IREB2: variants seen among roughly 807,000 people sequenced by gnomAD.
The protein encoded by IREB2 is iron responsive element binding protein 2.
In IREB2, 39 loss-of-function variants were observed where a neutral mutation model predicts 118.8. That is an observed-to-expected ratio of 0.33 (90% CI 0.25 to 0.43). The LOEUF (loss-of-function observed/expected upper bound fraction) is 0.43. Ranked by LOEUF, IREB2 falls within the 20% of genes least tolerant of loss-of-function variation. The probability of loss-of-function intolerance (pLI) is 1.00; values close to 1 mark genes in which losing one functional copy is unlikely to be tolerated. For synonymous variants in IREB2, 372 were observed against 392.2 expected (o/e 0.95, Z 0.61); for missense variants, 900 against 1,147.3 (o/e 0.78, Z 3.11).
chr15:78,479,401 T>TC (rs2051528035), intron 10 of IREB2, among the ~76,000 whole-genome samples: 1 of 146,572 alleles, frequency 6.8e-6, no homozygotes, highest in Non-Finnish European at 1.5e-5. Flanking sequence ...GTTTTTGGAT[T>TC]TTTTTTTTTT....
At position 78,478,303 on chromosome 15, in the gene IREB2, G is replaced by C. The variant is rs1457970424; in HGVS notation, c.1202G>C (p.Ser401Thr). Reference protein sequence around the residue: ...TLKHLEHTGFSKAKLESMETY... With the variant: ...TLKHLEHTGFTKAKLESMETY... ...TTGTTCATCTTCGTTTTAGGTTTTA[G>C]CAAAGCCAAACTCGAATCAATGGAA... is the stretch of plus-strand genomic sequence containing the variant. The change falls in exon 10 of 22, where the codon AGC becomes ACC. Residue 401 changes from serine to threonine, a missense_variant. By Grantham distance (58) the Ser-to-Thr change is moderately conservative. Transcript: ENST00000258886. The C allele has an allele frequency of 6.2e-7, 1 of 1,607,592 alleles. No homozygotes were observed. The highest frequency in any genetic ancestry group is 1.3e-5 in the African/African-American group (1 of 74,836).
chr15:78,488,181 G>T lies in IREB2; in HGVS notation c.1796G>T (p.Gly599Val), dbSNP rs1326341171. ...TTTGTGTGTTTGTGTTTTTTTCAGG[G>T]TGATTTGGTTACCTGTGGAATTTTA... ...SDAVLNAVKQ[G>V]DLVTCGILSG... Residue 599 changes from glycine (G) to valine (V), a missense_variant and splice_region_variant, in exon 15 of 22, where the codon GGT (glycine) becomes GTT (valine). By Grantham distance (109) the Gly-to-Val change is moderately radical. Coordinates refer to ENST00000258886, the MANE Select transcript of IREB2 (RefSeq NM_004136.4). The T allele has an allele frequency of 1.2e-6, 2 of 1,602,828 alleles. No homozygotes were observed. The highest frequency in any genetic ancestry group is 1.4e-5 in the African/African-American group (1 of 74,042).
chr15:78,465,125 T>G, intron 3 of IREB2, 126 bp from the exon 4 acceptor site: 1 of 718,312 alleles, frequency 1.4e-6, no homozygotes, highest in East Asian at 2.8e-5. Flanking sequence ...ATAAAGTACA[T>G]TATGAAAAAT....
intron 6 of IREB2, 88 bp downstream of exon 6, chr15:78,470,689 CTT>C (rs67871183): frequency 0.044 from 9,083 of 207,004 alleles, no homozygotes; most frequent in Middle Eastern, 0.072. Context: ...TTTTCTTTTC[CTT>C]TTTTTTTTTT....
At chr15:78,457,095 T>C (rs1043750446) in intron 2 of IREB2, among the ~76,000 whole-genome samples, 2 of 152,258 alleles carry the variant, frequency 1.3e-5, no homozygotes, top group African/African-American at 4.8e-5. Context: ...CATATAACTT[T>C]GTATTTTTCC....
chr15:78,465,219 G>C, intron 3 of IREB2, 32 bp from the exon 4 acceptor site: 1 of 1,566,290 alleles, frequency 6.4e-7, no homozygotes, highest in Non-Finnish European at 8.7e-7. Context: ...AAAACAATTT[G>C]GACTATAATT....
chr15:78,492,561 A>ATTTG (rs111513345), intron 18 of IREB2, among the ~76,000 whole-genome samples: 7,733 of 151,892 alleles, frequency 0.051, 474 homozygotes, highest in African/African-American at 0.14. Flanking sequence ...AAAGTTTGTC[A>ATTTG]TTTGTTTGTT....
chr15:78,489,222 CAAAAA>C (rs5813920), intron 16 of IREB2, among the ~76,000 whole-genome samples: 5 of 120,824 alleles, frequency 4.1e-5, no homozygotes, highest in African/African-American at 6.1e-5. Context: ...AACTCTGTCT[CAAAAA>C]AAAAAAAAAA....
At chr15:78,461,789 T>C (rs529578409) in intron 2 of IREB2, among the ~76,000 whole-genome samples, 6 of 152,322 alleles carry the variant, frequency 3.9e-5, no homozygotes, top group Admixed American at 3.9e-4. Context: ...TTCTGTGCTC[T>C]TGAAACCATA....
chr15:78,488,030 G>C, intron 14 of IREB2, 150 bp from the exon 15 acceptor site: 1 of 709,578 alleles, frequency 1.4e-6, no homozygotes, highest in Non-Finnish European at 2.3e-6. Context: ...TAGTTTATTT[G>C]CAAGATGCAT....
chr15:78,439,612 G>A (rs1182918777), intron 1 of IREB2, among the ~76,000 whole-genome samples, 183 bp from the exon 2 acceptor site: 3 of 152,132 alleles, frequency 2.0e-5, no homozygotes, highest in Admixed American at 1.3e-4. Flanking sequence ...CCTCAGGCAC[G>A]ATAGCCACAT....
chr15:78,488,665 A>C lies in IREB2; in HGVS notation c.1970A>C (p.Lys657Thr). ...TEPLGTDPTG[K>T]NIYLHDIWPS... ...TAACCAGGTACTGACCCCACCGGCA[A>C]GAACATTTACCTGCATGATATTTGG... The change falls in exon 16 of 22, where the codon AAG (lysine) becomes ACG (threonine). Residue 657 changes from lysine (K) to threonine (T), a missense_variant. Lys to Thr is a moderately conservative substitution (Grantham distance 78). Coordinates refer to ENST00000258886, the MANE Select transcript of IREB2 (RefSeq NM_004136.4). The C allele has an allele frequency of 6.2e-7, 1 of 1,611,000 alleles. No individual in the cohort carries two copies. The highest frequency in any genetic ancestry group is 8.5e-7 in the Non-Finnish European group (1 of 1,179,080).
Position 78,471,889 on chromosome 15 carries a change from T to C in IREB2, c.848T>C (p.Ile283Thr), listed in dbSNP as rs942286631. 5.6e-6 allele frequency: 9 copies of C among 1,607,494 alleles called. No individual in the cohort carries two copies. The highest frequency in any genetic ancestry group is 6.8e-6 in the Non-Finnish European group (8 of 1,177,346). Residue 283 changes from isoleucine (I) to threonine (T), a missense_variant, in exon 7 of 22, where the codon ATA becomes ACA. Transcript: ENST00000258886. ...AGTGTAGTCGGCACAGATTCACACA[T>C]AACGATGGTGAATGGTTTAGGGATT... ...PDSVVGTDSH[I>T]TMVNGLGILG...
chr15:78,444,098 A>G (rs1315746995), intron 2 of IREB2, among the ~76,000 whole-genome samples: 3 of 152,094 alleles, frequency 2.0e-5, no homozygotes, highest in South Asian at 4.2e-4. Context: ...TTTACTGTCA[A>G]CCTGGCTGGA....
At position 78,488,655 on chromosome 15, in the gene IREB2, C is replaced by G; in HGVS notation, c.1960C>G (p.Pro654Ala). Reference protein sequence around the residue: ...DFQTEPLGTDPTGKNIYLHDI... With the variant: ...DFQTEPLGTDATGKNIYLHDI... The stretch of plus-strand genomic sequence containing the variant: ...TCAAAAATTTTAACCAGGTACTGAC[C>G]CCACCGGCAAGAACATTTACCTGCA... Residue 654 changes from proline to alanine, a missense_variant, in exon 16 of 22, where the codon CCC (proline) becomes GCC (alanine). By Grantham distance (27) the Pro-to-Ala change is conservative. Coordinates refer to ENST00000258886, the MANE Select transcript of IREB2 (RefSeq NM_004136.4). 1 of 1,606,610 alleles carries G rather than the reference C, an allele frequency of 6.2e-7. No individual in the cohort carries two copies. Among genetic ancestry groups the G allele is most frequent in the Non-Finnish European group, 8.5e-7 (1 of 1,177,880 alleles).
chr15:78,485,898 G>T, intron 13 of IREB2, 58 bp downstream of exon 13: 2 of 1,381,580 alleles, frequency 1.4e-6, no homozygotes, highest in Non-Finnish European at 1.0e-6. Flanking sequence ...TACTGAAGCT[G>T]CTTGTTTGTG....
intron 2 of IREB2, among the ~76,000 whole-genome samples, chr15:78,451,864 T>A (rs996322253): frequency 2.6e-5 from 4 of 152,096 alleles, no homozygotes; most frequent in African/African-American, 9.7e-5. Context: ...GGTTTCACCA[T>A]GTTGGTCAGG....
intron 2 of IREB2, among the ~76,000 whole-genome samples, chr15:78,443,533 A>G (rs112922623): frequency 2.6e-4 from 40 of 152,026 alleles, no homozygotes; most frequent in African/African-American, 8.9e-4. Context: ...GGGTATCTCT[A>G]TGGAAGTGGG....
At chr15:78,495,092 T>TGTGC (rs1437387820) in intron 20 of IREB2, among the ~76,000 whole-genome samples, 1 of 152,200 alleles carries the variant, frequency 6.6e-6, no homozygotes, top group Non-Finnish European at 1.5e-5. Flanking sequence ...TCATGTGACA[T>TGTGC]GTGCTTTTTG....
Sources: gnomAD v4.1 joint callset for allele counts (sites outside exome capture counted in the v4.1 genomes callset) on GRCh38, gnomAD v4.1.1 for gene constraint, MANE v1.5 for transcripts, NCBI Gene and HGNC (gene_info 2026-07-23, HGNC 2026-07-21) for gene names.